PTPRH: variants seen among roughly 807,000 people sequenced by gnomAD.
PTPRH encodes the protein protein tyrosine phosphatase receptor type H.
A neutral mutation model predicts 130.2 loss-of-function variants in PTPRH; 113 were observed. The ratio of observed to expected loss-of-function variants is 0.87; its 90% CI spans 0.75 to 1.01. PTPRH has a LOEUF of 1.01. Among genes scored for constraint, PTPRH ranks in the 50% least tolerant of loss-of-function variants. The pLI is 0.00. For synonymous variants in PTPRH, 556 were observed against 577.9 expected (o/e 0.96, Z 0.54); for missense variants, 1,430 against 1,425.0 (o/e 1.00, Z -0.06).
chr19:55,184,615 C>T (rs2147370070), intron 18 of PTPRH, among the ~76,000 whole-genome samples: 1 of 151,790 alleles, frequency 6.6e-6, no homozygotes, highest in Admixed American at 6.6e-5. Context: ...GGTGAAACCC[C>T]ATCTCTACTA....
At chr19:55,196,946 A>G (rs567760839) in intron 9 of PTPRH, among the ~76,000 whole-genome samples, 158 bp from the exon 10 acceptor site, 4 of 152,180 alleles carry the variant, frequency 2.6e-5, no homozygotes, top group Admixed American at 6.5e-5. Flanking sequence ...ATGGACACAA[A>G]TAAGTCCTTT....
Position 55,196,529 on chromosome 19 carries a change from C to T in PTPRH, c.2250G>A (p.Glu750=), listed in dbSNP as rs1405742192. ...CCGCGCGGCTCCGCTCACCTGCACT[C>T]TCGGTGTGGCAGACCACAGAGTGAG... ...VVSHSVVCHT[E]SAGVIAGAFV... The change falls in exon 10 of 20, where the codon GAG becomes GAA. Residue 750 remains glutamate (E), a synonymous_variant. Transcript: ENST00000376350. The T allele has an allele frequency of 6.2e-7, 1 of 1,610,568 alleles. No individual in the cohort carries two copies. Among genetic ancestry groups the T allele is most frequent in the East Asian group, 2.2e-5 (1 of 44,830 alleles).
chr19:55,198,667 T>TA lies in PTPRH; in HGVS notation c.1665dup (p.Asn556Ter), dbSNP rs1600050478. The TA allele has an allele frequency of 1.2e-6, 2 of 1,612,148 alleles. No homozygotes were observed. The highest frequency in any genetic ancestry group is 3.3e-5 in the Admixed American group (2 of 59,810). The stretch of plus-strand genomic sequence containing the variant: ...CCAGTGGCTGCAGTGAGGGTGCTGT[T>TA]ATAGCCTCTGACCTCATTCCTCTCG... On this transcript the variant is annotated frameshift_variant, in exon 8 of 20. Transcript: ENST00000376350. LOFTEE classifies it high-confidence loss of function.
intron 14 of PTPRH, among the ~76,000 whole-genome samples, chr19:55,187,137 AG>A (rs1265821787): frequency 6.6e-6 from 1 of 151,238 alleles, no homozygotes; most frequent in Non-Finnish European, 1.5e-5. Context: ...CAAGGTCAGG[AG>A]ATCGAGACCA....
chr19:55,190,641 T>A (rs1211948459), intron 12 of PTPRH, among the ~76,000 whole-genome samples: 1 of 138,996 alleles, frequency 7.2e-6, no homozygotes, highest in African/African-American at 2.7e-5. Flanking sequence ...TATATATAAT[T>A]TTTTTTTGAG....
At chr19:55,191,639 G>C in intron 11 of PTPRH, 24 bp downstream of exon 11, 1 of 1,612,604 alleles carries the variant, frequency 6.2e-7, no homozygotes, top group Non-Finnish European at 8.5e-7. Context: ...CCCTCCAGGC[G>C]GTCAGCCCTG....
intron 18 of PTPRH, among the ~76,000 whole-genome samples, chr19:55,182,728 C>T (rs893963370): frequency 1.4e-4 from 21 of 152,054 alleles, no homozygotes; most frequent in Non-Finnish European, 2.1e-4. Context: ...GTGGCAGAGC[C>T]GGGGTTCAAA....
rs1317496874 is a variant in PTPRH, at chr19:55,181,285, A to C, written c.*469T>G. On this transcript the variant is annotated 3_prime_UTR_variant, in exon 20 of 20. Transcript: ENST00000376350. ...GTGATTTAATAAATTATGGGATAGA[A>C]GGAAAAATACATGTGGATGGTGGGG... is the stretch of plus-strand genomic sequence containing the variant. 1.3e-5 allele frequency: 2 copies of C among 157,358 alleles called. No individual in the cohort carries two copies. Among genetic ancestry groups the C allele is most frequent in the African/African-American group, 4.8e-5 (2 of 41,520 alleles). 9.7% of individuals were successfully genotyped at this position (157,358 alleles called of 1,614,324 possible).
rs556203984 is a variant in PTPRH at position 55,185,409 on chromosome 19, C to A, written c.3062+93G>T. On this transcript the variant is annotated intron_variant, in intron 18 of 19. Transcript: ENST00000376350. ...CTCCTCCTTCTCTCCCTCTTCACCT[C>A]CCCTGTACGTTCCCAGGGTCCCGTC... 1.2e-3 allele frequency: 1,679 copies of A among 1,406,464 alleles called. 2 individuals carry two copies. The highest frequency in any genetic ancestry group is 1.6e-3 in the Non-Finnish European group (1,616 of 1,022,912). The allele number at this position is 1,406,464 out of a possible 1,614,324, so 87.1% of individuals were successfully genotyped here. A position where few individuals can be genotyped will look rare whatever the true frequency, so the allele number is the denominator to read the frequency against.
At position 55,206,955 on chromosome 19, in the gene PTPRH, G is replaced by T; in HGVS notation, c.86C>A (p.Ala29Asp). 13 of 1,588,328 alleles carry T rather than the reference G, an allele frequency of 8.2e-6. No homozygotes were observed. The highest frequency in any genetic ancestry group is 2.2e-5 in the East Asian group (1 of 44,562). Residue 29 changes from alanine to aspartate, a missense_variant and splice_region_variant, in exon 3 of 20, where the codon GCC becomes GAC. Transcript: ENST00000376350. ...TGTCAGGTTCCTCCCTGGGTTGGGG[G>T]CTGAGAATTGGGAAGGAAGGTCTGA... Reference protein sequence around the residue: ...LCSWTGARAPAPNPGRNLTVE... With the variant: ...LCSWTGARAPDPNPGRNLTVE...
chr19:55,186,271 T>C lies in PTPRH; in HGVS notation c.2732A>G (p.Gln911Arg). 6.2e-7 allele frequency: 1 copy of C among 1,613,936 alleles called. No individual in the cohort carries two copies. The highest frequency in any genetic ancestry group is 1.1e-5 in the South Asian group (1 of 91,078). ...GDFWRLVWEQ[Q>R]SHTLVMLTNC... is the part of the protein sequence containing the mutation. ...GGTCAGCATGACCAGGGTGTGGCTC[T>C]GCTGTTCCCACACCAGGCGCCAGAA... Residue 911 changes from glutamine to arginine, a missense_variant, in exon 16 of 20, where the codon CAG becomes CGG. Coordinates refer to ENST00000376350, the MANE Select transcript of PTPRH (RefSeq NM_002842.5).
intron 1 of PTPRH, among the ~76,000 whole-genome samples, chr19:55,207,438 T>A (rs78703538): frequency 6.6e-6 from 1 of 152,100 alleles, no homozygotes; most frequent in Non-Finnish European, 1.5e-5. Context: ...CCGATAAGGC[T>A]GAGAGATAAA....
At chr19:55,192,019 G>C (rs1024461340) in intron 10 of PTPRH, 1 of 584,742 alleles carries the variant, frequency 1.7e-6, no homozygotes, top group Non-Finnish European at 3.2e-6. Context: ...CCTTTATGAT[G>C]ATCTACTTAA....
chr19:55,207,069 AT>A, intron 2 of PTPRH, 96 bp downstream of exon 2: 1 of 1,577,474 alleles, frequency 6.3e-7, no homozygotes, highest in Non-Finnish European at 8.6e-7. Context: ...AACCCCTACC[AT>A]GGACCACTGG....
rs183068453 is a variant in PTPRH, at chr19:55,196,160, G to A, written c.2257+362C>T. 6.2e-3 allele frequency among the ~76,000 whole-genome samples: 945 copies of A among 152,256 alleles called. 12 individuals carry two copies. The highest frequency in any genetic ancestry group is 0.022 in the African/African-American group (895 of 41,540). ...CCCAGCACTTTGGGAGCCTGAGGCA[G>A]GCAGATCACCTGAGGTCAGGAGTTC... On this transcript the variant is annotated intron_variant, in intron 10 of 19. Transcript: ENST00000376350.
intron 13 of PTPRH, 83 bp downstream of exon 13, chr19:55,187,995 C>T (rs1340718829): frequency 2.0e-5 from 19 of 972,712 alleles, no homozygotes; most frequent in Non-Finnish European, 2.9e-5. Flanking sequence ...TCCCGAAAGC[C>T]GTGAGGTCTG....
chr19:55,208,122 C>G (rs56028100), intron 1 of PTPRH, among the ~76,000 whole-genome samples: 383 of 36,974 alleles, frequency 0.01, no homozygotes, highest in Non-Finnish European at 0.012. Context: ...GGGAGGAGGG[C>G]CTGGGGGCCT....
At chr19:55,182,178 C>G (rs1396496211) in intron 18 of PTPRH, 27 bp from the exon 19 acceptor site, 1 of 1,609,802 alleles carries the variant, frequency 6.2e-7, no homozygotes, top group Non-Finnish European at 8.5e-7. Flanking sequence ...AAGGGTCAGA[C>G]CAAGGGGCAG....
rs2086334549 is a variant in PTPRH, at chr19:55,186,554, C to T, written c.2567-14G>A. Reference sequence around the variant, plus strand: ...GGGACCAGTCATCTAGGAGAAGAGGCCAGCATTAGCCAGGCAGAGAGACCC... The same window carrying T: ...GGGACCAGTCATCTAGGAGAAGAGGTCAGCATTAGCCAGGCAGAGAGACCC... On this transcript the variant is annotated splice_polypyrimidine_tract_variant and intron_variant, in intron 14 of 19. Coordinates refer to ENST00000376350, the MANE Select transcript of PTPRH (RefSeq NM_002842.5). The T allele has an allele frequency of 7.7e-7, 1 of 1,303,856 alleles. No homozygotes were observed. Among genetic ancestry groups the T allele is most frequent in the Admixed American group, 2.6e-5 (1 of 37,736 alleles). The allele number at this position is 1,303,856 out of a possible 1,614,324, so 80.8% of individuals were successfully genotyped here. A position where few individuals can be genotyped will look rare whatever the true frequency, so the allele number is the denominator to read the frequency against.
Sources: gnomAD v4.1 joint callset for allele counts (sites outside exome capture counted in the v4.1 genomes callset) on GRCh38, gnomAD v4.1.1 for gene constraint, MANE v1.5 for transcripts, NCBI Gene and HGNC (gene_info 2026-07-23, HGNC 2026-07-21) for gene names.